KLF11: variants seen among roughly 807,000 people sequenced by gnomAD.
KLF11 encodes the protein Krueppel-like factor 11.
KLF11 carries 26 observed loss-of-function variants against 29.9 expected under a neutral mutation model. The observed-to-expected ratio is 0.87, with a 90% CI of 0.64 to 1.21. The LOEUF (loss-of-function observed/expected upper bound fraction) is 1.21, where lower values mean the gene tolerates loss of function less well. Ranked by LOEUF, KLF11 falls within the 50% of genes most tolerant of loss-of-function variation. KLF11 has a pLI of 0.00. For missense variants in KLF11, 778 were observed against 665.7 expected (o/e 1.17, Z -1.86); for synonymous variants, 318 against 257.4 (o/e 1.24, Z -2.25).
Position 10,047,746 on chromosome 2 carries a change from G to C in KLF11, c.409G>C (p.Asp137His). The C allele has an allele frequency of 1.9e-6, 3 of 1,613,702 alleles. No homozygotes were observed. Among genetic ancestry groups the C allele is most frequent in the Non-Finnish European group, 2.5e-6 (3 of 1,180,028 alleles). Residue 137 changes from aspartate to histidine, a missense_variant, in exon 3 of 4, where the codon GAT (aspartate) becomes CAT (histidine). By Grantham distance (81) the Asp-to-His change is moderately conservative. Coordinates refer to ENST00000305883, the MANE Select transcript of KLF11 (RefSeq NM_003597.5). Reference protein sequence around the residue: ...VTDSKACTATDVLQSSAVVAR... With the variant: ...VTDSKACTATHVLQSSAVVAR... ...AGATTCCAAAGCATGTACAGCCACG[G>C]ATGTTCTCCAGTCCTCTGCCGTAGT...
At chr2:10,043,897 T>C (rs1364591787) in intron 1 of KLF11, 139 bp downstream of exon 1, 2 of 1,033,434 alleles carry the variant, frequency 1.9e-6, no homozygotes, top group Non-Finnish European at 2.3e-6. Context: ...GGTAGGGGCC[T>C]GGGCGGGCTC....
In KLF11 at chr2:10,048,264, G is replaced by A. The variant is rs766954622; in HGVS notation, c.927G>A (p.Leu309=). The A allele has an allele frequency of 6.2e-7, 1 of 1,609,478 alleles. No individual in the cohort carries two copies. Among genetic ancestry groups the A allele is most frequent in the South Asian group, 1.1e-5 (1 of 90,462 alleles). Residue 309 remains leucine (L), a synonymous_variant, in exon 3 of 4, where the codon TTG becomes TTA. Coordinates refer to ENST00000305883, the MANE Select transcript of KLF11 (RefSeq NM_003597.5). ...CTTTTTTGAAGCCCCCTCCCCAGTT[G>A]TCTGTGGGGACTGTGAGACCCATCC... ...LPAFLKPPPQ[L]SVGTVRPILA...
Position 10,043,751 on chromosome 2 carries a change from C to G in KLF11, c.35C>G (p.Ala12Gly). ...HTPDFAGPDD[A>G]RAVDIMDICE... The stretch of plus-strand genomic sequence containing the variant: ...CCGGACTTCGCAGGCCCAGACGACG[C>G]GCGCGCAGTGAGTGGTGGGGCTGCC... The change falls in exon 1 of 4, where the codon GCG becomes GGG. Residue 12 changes from alanine (A) to glycine (G), a missense_variant. Ala to Gly is a moderately conservative substitution (Grantham distance 60). Transcript: ENST00000305883. 1 of 1,382,690 alleles carries G rather than the reference C, an allele frequency of 7.2e-7. No individual in the cohort carries two copies. The highest frequency in any genetic ancestry group is 9.5e-7 in the Non-Finnish European group (1 of 1,052,692). The allele number at this position is 1,382,690 out of a possible 1,614,324, so 85.7% of individuals were successfully genotyped here. A position where few individuals can be genotyped will look rare whatever the true frequency, so the allele number is the denominator to read the frequency against.
At position 10,053,244 on chromosome 2, in the gene KLF11, C is replaced by A. The variant is rs2125283864; in HGVS notation, c.*737C>A. Reference sequence around the variant, plus strand: ...ATGAAGGATGTACCCCAGAGAGTAACATGAGCCACTGGGCAGATCCCAGGG... The same window carrying A: ...ATGAAGGATGTACCCCAGAGAGTAAAATGAGCCACTGGGCAGATCCCAGGG... On this transcript the variant is annotated 3_prime_UTR_variant, in exon 4 of 4. Coordinates refer to ENST00000305883, the MANE Select transcript of KLF11 (RefSeq NM_003597.5). The A allele has an allele frequency of 2.5e-6, 1 of 398,718 alleles. No individual in the cohort carries two copies. The allele number at this position is 398,718 out of a possible 1,614,324, so 24.7% of individuals were successfully genotyped here. A position where few individuals can be genotyped will look rare whatever the true frequency, so the allele number is the denominator to read the frequency against.
At chr2:10,045,634 C>T (rs988441970) in intron 1 of KLF11, among the ~76,000 whole-genome samples, 3 of 152,240 alleles carry the variant, frequency 2.0e-5, no homozygotes, top group South Asian at 2.1e-4. Context: ...TCGCCATGGG[C>T]CCTACCTGCG....
chr2:10,043,765 G>T lies in KLF11; in HGVS notation c.42+7G>T. On this transcript the variant is annotated splice_region_variant and intron_variant, in intron 1 of 3. Coordinates refer to ENST00000305883, the MANE Select transcript of KLF11 (RefSeq NM_003597.5). ...CCCAGACGACGCGCGCGCAGTGAGT[G>T]GTGGGGCTGCCGCGGCGGGACTACT... 7.3e-7 allele frequency: 1 copy of T among 1,375,612 alleles called. No individual in the cohort carries two copies. The allele number at this position is 1,375,612 out of a possible 1,614,324, so 85.2% of individuals were successfully genotyped here.
At chr2:10,044,782 C>A (rs1373838316) in intron 1 of KLF11, among the ~76,000 whole-genome samples, 2 of 151,754 alleles carry the variant, frequency 1.3e-5, no homozygotes, top group Non-Finnish European at 2.9e-5. Context: ...CACCCTCTCG[C>A]CCCCGGCTTA....
chr2:10,044,049 G>A, intron 1 of KLF11: 2 of 693,992 alleles, frequency 2.9e-6, no homozygotes, highest in Non-Finnish European at 3.6e-6. Context: ...CAGCCATGAC[G>A]TCACCCCGGT....
At chr2:10,049,015 T>C (rs939510028) in intron 3 of KLF11, among the ~76,000 whole-genome samples, 4 of 150,914 alleles carry the variant, frequency 2.7e-5, no homozygotes, top group African/African-American at 9.7e-5. Context: ...CTGGCCAAAC[T>C]ATAGAAAAGT....
Position 10,053,349 on chromosome 2 carries a change from T to G in KLF11, c.*842T>G, listed in dbSNP as rs1376094660. 1 of 398,664 alleles carries G rather than the reference T, an allele frequency of 2.5e-6. No individual in the cohort carries two copies. The highest frequency in any genetic ancestry group is 4.4e-6 in the Non-Finnish European group (1 of 226,086). 24.7% of individuals were successfully genotyped at this position (398,664 alleles called of 1,614,324 possible). A position where few individuals can be genotyped will look rare whatever the true frequency, so the allele number is the denominator to read the frequency against. ...AAAGCAAGCCATTCAGTTTCTTGTT[T>G]GTACCTAAAACACCAAAAAAGAAAC... On this transcript the variant is annotated 3_prime_UTR_variant, in exon 4 of 4. Coordinates refer to ENST00000305883, the MANE Select transcript of KLF11 (RefSeq NM_003597.5).
At chr2:10,045,431 G>A (rs1383238864) in intron 1 of KLF11, among the ~76,000 whole-genome samples, 1 of 147,170 alleles carries the variant, frequency 6.8e-6, no homozygotes, top group African/African-American at 2.5e-5. Context: ...GTGGTGGCGG[G>A]CACTGCAGTG....
chr2:10,045,998 C>T (rs1048193300), intron 1 of KLF11, 152 bp from the exon 2 acceptor site: 24 of 908,398 alleles, frequency 2.6e-5, no homozygotes, highest in African/African-American at 2.6e-4. Flanking sequence ...CCTTGAATGT[C>T]TTTTACTACA....
rs749247136 is a variant in KLF11, at chr2:10,052,856, CAG to C, written c.*350_*351del. On this transcript the variant is annotated 3_prime_UTR_variant, in exon 4 of 4. Coordinates refer to ENST00000305883, the MANE Select transcript of KLF11 (RefSeq NM_003597.5). ...CTATTGATGTTTTGTAGAAATAAGA[CAG>C]GGTACTAATTTTTATACTGGTTTTT... The C allele has an allele frequency of 7.4e-5, 26 of 350,262 alleles. No individual in the cohort carries two copies. The highest frequency in any genetic ancestry group is 1.2e-4 in the South Asian group (2 of 17,070). 21.7% of individuals were successfully genotyped at this position (350,262 alleles called of 1,614,324 possible).
rs151012919 is a variant in KLF11, at chr2:10,044,607, A to T, written c.42+849A>T. Among the ~76,000 whole-genome samples the T allele has an allele frequency of 5.4e-3, 814 of 150,420 alleles. 9 individuals carry two copies. The highest frequency in any genetic ancestry group is 0.019 in the African/African-American group (778 of 40,996). On this transcript the variant is annotated intron_variant, in intron 1 of 3. Coordinates refer to ENST00000305883, the MANE Select transcript of KLF11 (RefSeq NM_003597.5). ...TTTGATGCTTTGGTGCATGGCAGAT[A>T]GAGAGGAAACGTGTATCTTCGTACA...
chr2:10,047,859 C>G lies in KLF11; in HGVS notation c.522C>G (p.Ser174Arg), dbSNP rs200997824. 1 of 1,613,786 alleles carries G rather than the reference C, an allele frequency of 6.2e-7. No individual in the cohort carries two copies. The highest frequency in any genetic ancestry group is 1.1e-5 in the South Asian group (1 of 91,084). ...PSSPCRAKGT[S>R]VIRHTGESPA... ...CTCCCTGCAGGGCCAAGGGGACTAG[C>G]GTGATCCGACACACTGGGGAGAGCC... is the stretch of plus-strand genomic sequence containing the variant. Residue 174 changes from serine (S) to arginine (R), a missense_variant, in exon 3 of 4, where the codon AGC becomes AGG. Coordinates refer to ENST00000305883, the MANE Select transcript of KLF11 (RefSeq NM_003597.5).
rs763228890 is a variant in KLF11, at chr2:10,047,992, C to G, written c.655C>G (p.Leu219Val). Residue 219 changes from leucine (L) to valine (V), a missense_variant, in exon 3 of 4, where the codon CTC (leucine) becomes GTC (valine). Transcript: ENST00000305883. ...CTTTGAAACTTTGCAGGACACACAC[C>G]TCACGGACAGTTTACTCAGCACTAA... ...GHFETLQDTH[L>V]TDSLLSTNLV... 5.6e-6 allele frequency: 9 copies of G among 1,613,992 alleles called. No individual in the cohort carries two copies. Among genetic ancestry groups the G allele is most frequent in the Middle Eastern group, 1.6e-4 (1 of 6,084 alleles).
chr2:10,045,068 C>G (rs938369862), intron 1 of KLF11, among the ~76,000 whole-genome samples: 22 of 152,126 alleles, frequency 1.4e-4, no homozygotes, highest in Admixed American at 5.2e-4. Context: ...GTCGCTTGAA[C>G]CTGGGAGGCA....
At chr2:10,044,027 C>G (rs910795584) in intron 1 of KLF11, 1 of 724,474 alleles carries the variant, frequency 1.4e-6, no homozygotes, top group African/African-American at 1.9e-5. Flanking sequence ...CCGCTGGCCC[C>G]GCGGCTATTT....
chr2:10,046,058 G>T, intron 1 of KLF11, 92 bp from the exon 2 acceptor site: 2 of 1,449,264 alleles, frequency 1.4e-6, no homozygotes, highest in Non-Finnish European at 9.7e-7. Flanking sequence ...CATGCCTACT[G>T]TAGGCTTCTG....
Sources: allele counts gnomAD v4.1 joint callset (sites outside exome capture counted in the v4.1 genomes callset), GRCh38; gene constraint gnomAD v4.1.1; transcripts MANE v1.5; gene names NCBI Gene and HGNC (gene_info 2026-07-23, HGNC 2026-07-21).